Variants in PRSS36 observed in about 807,000 individuals in gnomAD.
PRSS36 encodes the protein polyserase-2.
In PRSS36, 90 loss-of-function variants were observed where a neutral mutation model predicts 94.3. The observed-to-expected ratio is 0.95, with a 90% CI of 0.80 to 1.14. PRSS36 has a LOEUF of 1.14. Ranked by LOEUF, PRSS36 falls within the 50% of genes most tolerant of loss-of-function variation. The probability of loss-of-function intolerance (pLI) is 0.00; values close to 1 mark genes in which losing one functional copy is unlikely to be tolerated. For missense variants in PRSS36, 1,158 were observed against 1,135.0 expected, an observed-to-expected ratio of 1.02 and a Z score of -0.29; for synonymous variants, 500 against 489.6, an observed-to-expected ratio of 1.02 and a Z score of -0.28.
chr16:31,142,381 C>G, intron 10 of PRSS36, 100 bp downstream of exon 10: 1 of 1,311,984 alleles, frequency 7.6e-7, no homozygotes, highest in Non-Finnish European at 1.0e-6. Context: ...AGGCCCCGCC[C>G]TCTCCCTAGA....
chr16:31,143,885 C>G, intron 6 of PRSS36, 48 bp from the exon 7 acceptor site: 10 of 1,606,144 alleles, frequency 6.2e-6, no homozygotes, highest in Non-Finnish European at 8.5e-6. Context: ...GGGACCTACT[C>G]GAAAAGGTCC....
In PRSS36 at chr16:31,139,344, C is replaced by T. The variant is rs2057642937; in HGVS notation, c.2362G>A (p.Gly788Arg). 1.9e-6 allele frequency: 3 copies of T among 1,614,024 alleles called. No homozygotes were observed. The highest frequency in any genetic ancestry group is 2.5e-6 in the Non-Finnish European group (3 of 1,180,012). Residue 788 changes from glycine to arginine, a missense_variant, in exon 15 of 15, where the codon GGG becomes AGG. Coordinates refer to ENST00000268281, the MANE Select transcript of PRSS36 (RefSeq NM_173502.5). ...SWILVGMAVQ[G>R]SRELFAAIGP... ...ATGGCAGCAAACAGCTCCCGGCTCC[C>T]TTGAACAGCCATGCCCACGAGGATC...
chr16:31,142,685 C>T (rs2057724184), intron 9 of PRSS36, 41 bp from the exon 10 acceptor site: 12 of 1,400,546 alleles, frequency 8.6e-6, no homozygotes, highest in Middle Eastern at 2.2e-4. Flanking sequence ...GCGGCCCAGA[C>T]GGCCCCTGCA....
rs151129631 is a variant in PRSS36, at chr16:31,150,011, G to A, written c.25C>T (p.Leu9Phe). 2 of 1,613,856 alleles carry A rather than the reference G, an allele frequency of 1.2e-6. No individual in the cohort carries two copies. Among genetic ancestry groups the A allele is most frequent in the Non-Finnish European group, 1.7e-6 (2 of 1,179,976 alleles). Reference protein sequence around the residue: MARHLLLPLVMLVISPIPG... With the variant: MARHLLLPFVMLVISPIPG... Reference sequence around the variant, plus strand: ...CCCCTGAGGTTACCAAGCATCACAAGGGGGAGGAGCAGGTGCCGGGCCATG... The same window carrying A: ...CCCCTGAGGTTACCAAGCATCACAAAGGGGAGGAGCAGGTGCCGGGCCATG... Residue 9 changes from leucine to phenylalanine, a missense_variant, in exon 1 of 15, where the codon CTT becomes TTT. Leu to Phe is a conservative substitution (Grantham distance 22). Coordinates refer to ENST00000268281, the MANE Select transcript of PRSS36 (RefSeq NM_173502.5).
In PRSS36 at chr16:31,148,574, A is replaced by G. The variant is rs749975630; in HGVS notation, c.374T>C (p.Ile125Thr). 4.3e-6 allele frequency: 7 copies of G among 1,609,398 alleles called. No individual in the cohort carries two copies. The highest frequency in any genetic ancestry group is 5.9e-6 in the Non-Finnish European group (7 of 1,178,546). ...TTGGCTGTAGTTGGCCGGCACCACG[A>G]TGGCGGCCACTGCGCGGGTGTGCGC... ...DGAHTRAVAA[I>T]VVPANYSQVE... is the part of the protein sequence containing the mutation. Residue 125 changes from isoleucine to threonine, a missense_variant, in exon 5 of 15, where the codon ATC (isoleucine) becomes ACC (threonine). Ile to Thr is a moderately conservative substitution (Grantham distance 89). Transcript: ENST00000268281.
rs199725414 is a variant in PRSS36, at chr16:31,140,379, C to G, written c.2204G>C (p.Arg735Pro). ...GCCCTGATAGAGGCAGTCACAGATT[C>G]GTTGTGTCAAGATGGAGACAGCAGC... The part of the protein sequence containing the change: ...VAAAVSILTQ[R>P]ICDCLYQGIL... The change falls in exon 14 of 15, where the codon CGA becomes CCA. Residue 735 changes from arginine (R) to proline (P), a missense_variant. By Grantham distance (103) the Arg-to-Pro change is moderately radical. Transcript: ENST00000268281. The G allele has an allele frequency of 5.0e-6, 8 of 1,613,968 alleles. No individual in the cohort carries two copies. In the East Asian group the frequency reaches 1.6e-4, roughly 31 times the overall value.
At chr16:31,141,360 CATT>C in intron 12 of PRSS36, 106 bp downstream of exon 12, 1 of 1,282,968 alleles carries the variant, frequency 7.8e-7, no homozygotes, top group Non-Finnish European at 1.1e-6. Context: ...AGCAAGATCT[CATT>C]GTTAATTTTT....
At chr16:31,141,995 G>A in intron 10 of PRSS36, 35 bp from the exon 11 acceptor site, 1 of 1,588,060 alleles carries the variant, frequency 6.3e-7, no homozygotes, top group Non-Finnish European at 8.6e-7. Context: ...ACTTGCCTCT[G>A]CGTGTGTGCA....
At chr16:31,147,691 A>C (rs1304051358) in intron 5 of PRSS36, among the ~76,000 whole-genome samples, 2 of 152,168 alleles carry the variant, frequency 1.3e-5, no homozygotes, top group African/African-American at 4.8e-5. Context: ...GTGTCTCTCT[A>C]ATGCCTAACA....
chr16:31,149,281 A>G (rs777726395), intron 3 of PRSS36, 46 bp from the exon 4 acceptor site: 2 of 1,521,468 alleles, frequency 1.3e-6, no homozygotes, highest in Non-Finnish European at 1.8e-6. Context: ...CGGGTTCCCC[A>G]CTCCAGAAGC....
rs754664167 is a variant in PRSS36, at chr16:31,143,388, G to T, written c.1054C>A (p.Leu352Met). The change falls in exon 8 of 15, where the codon CTG becomes ATG. Residue 352 changes from leucine (L) to methionine (M), a missense_variant. By Grantham distance (15) the Leu-to-Met change is conservative (BLOSUM62 2). Transcript: ENST00000268281. ...VPGSRPCHGA[L>M]VSESWVLAPA... ...GCCAAGACCCAGCTTTCAGACACCA[G>T]CGCCCCATGGCAGGGTCTGGATCCT... 7 of 1,612,530 alleles carry T rather than the reference G, an allele frequency of 4.3e-6. No individual in the cohort carries two copies. Among genetic ancestry groups the T allele is most frequent in the Middle Eastern group, 1.7e-4 (1 of 6,056 alleles).
At position 31,148,658 on chromosome 16, in the gene PRSS36, G is replaced by T; in HGVS notation, c.290C>A (p.Pro97His). ...HCFMTNGTLE[P>H]AAEWSVLLGV... ...CAGCAGTACCGACCACTCGGCCGCG[G>T]GCTCCAGCGTCCCATTCCTGCGCTC... is the stretch of plus-strand genomic sequence containing the variant. Residue 97 changes from proline to histidine, a missense_variant, in exon 5 of 15, where the codon CCC becomes CAC. Physicochemically the swap from Pro to His is moderately conservative, Grantham distance 77 (BLOSUM62 -2). Coordinates refer to ENST00000268281, the MANE Select transcript of PRSS36 (RefSeq NM_173502.5). The T allele has an allele frequency of 6.2e-7, 1 of 1,612,566 alleles. No individual in the cohort carries two copies. Among genetic ancestry groups the T allele is most frequent in the Non-Finnish European group, 8.5e-7 (1 of 1,179,736 alleles).
chr16:31,143,034 C>T, intron 8 of PRSS36, 41 bp from the exon 9 acceptor site: 1 of 1,375,926 alleles, frequency 7.3e-7, no homozygotes, highest in Non-Finnish European at 9.4e-7. Context: ...GGATCCCGCA[C>T]ACGTGGCTGG....
chr16:31,149,884 C>T (rs2057872115), intron 1 of PRSS36, 115 bp downstream of exon 1: 4 of 1,529,688 alleles, frequency 2.6e-6, no homozygotes, highest in Non-Finnish European at 3.6e-6. Flanking sequence ...TCTGCTGCCT[C>T]ACTTCCTTCT....
chr16:31,143,433 C>T lies in PRSS36; in HGVS notation c.1009G>A (p.Glu337Lys). 1 of 1,612,522 alleles carries T rather than the reference C, an allele frequency of 6.2e-7. No homozygotes were observed. The highest frequency in any genetic ancestry group is 1.1e-5 in the South Asian group (1 of 90,966). The change falls in exon 8 of 15, where the codon GAG (glutamate) becomes AAG (lysine). Residue 337 changes from glutamate to lysine, a missense_variant. Coordinates refer to ENST00000268281, the MANE Select transcript of PRSS36 (RefSeq NM_173502.5). ...KAPRPGAWPW[E>K]AQVMVPGSRP... is the part of the protein sequence containing the mutation. ...GATCCTGGCACCATCACCTGGGCCT[C>T]CCAGGGCCAGGCCCCTGGCCGCGGG...
At chr16:31,140,200 A>AAG (rs2057661188) in intron 14 of PRSS36, 94 bp downstream of exon 14, 56 of 1,158,846 alleles carry the variant, frequency 4.8e-5, no homozygotes, top group Non-Finnish European at 5.1e-5. Context: ...AAAAAAAAAA[A>AAG]AAAAAAAAAA....
chr16:31,149,463 C>T lies in PRSS36; in HGVS notation c.109G>A (p.Asp37Asn). ...GAGGGTGCCAAGGCCTCTTCCTTAC[C>T]CAGATCTTCAGGTTCTTCCTGGGTA... Reference protein sequence around the residue: ...SPTQEEPEDLDCGRPEPSARI... With the variant: ...SPTQEEPEDLNCGRPEPSARI... The change falls in exon 3 of 15, where the codon GAC becomes AAC. Residue 37 changes from aspartate (D) to asparagine (N), a missense_variant and splice_region_variant. Transcript: ENST00000268281. 6.2e-7 allele frequency: 1 copy of T among 1,614,158 alleles called. No individual in the cohort carries two copies. Among genetic ancestry groups the T allele is most frequent in the South Asian group, 1.1e-5 (1 of 91,080 alleles).
intron 14 of PRSS36, among the ~76,000 whole-genome samples, chr16:31,140,064 G>C (rs1055631453): frequency 3.3e-5 from 5 of 150,936 alleles, no homozygotes; most frequent in African/African-American, 1.2e-4. Flanking sequence ...AGTAGCGGGT[G>C]CCTGTAGTCC....
chr16:31,148,382 C>G lies in PRSS36; in HGVS notation c.553+13G>C. ...CTCCCCGAGGCCCTCCCCTCTTGTC[C>G]CGTCCCACTCACCTGCCTCCTGGAC... On this transcript the variant is annotated intron_variant, in intron 5 of 14. Transcript: ENST00000268281. The G allele has an allele frequency of 1.3e-6, 2 of 1,551,138 alleles. No individual in the cohort carries two copies. The highest frequency in any genetic ancestry group is 2.3e-5 in the East Asian group (1 of 42,658).
Sources: gnomAD v4.1 joint callset for allele counts (sites outside exome capture counted in the v4.1 genomes callset) on GRCh38, gnomAD v4.1.1 for gene constraint, MANE v1.5 for transcripts, NCBI Gene and HGNC (gene_info 2026-07-23, HGNC 2026-07-21) for gene names.